SRD5A2: variants seen among roughly 807,000 people sequenced by gnomAD.
SRD5A2 encodes steroid 5 alpha-reductase 2.
SRD5A2 carries 30 observed loss-of-function variants against 27.4 expected under a neutral mutation model. The ratio of observed to expected loss-of-function variants is 1.10; its 90% CI spans 0.82 to 1.49. The LOEUF (loss-of-function observed/expected upper bound fraction) is 1.49, where lower values mean the gene tolerates loss of function less well. SRD5A2 is among the 40% of genes most tolerant of loss of function. SRD5A2 has a pLI of 0.00. For synonymous variants in SRD5A2, 141 were observed against 133.6 expected, an observed-to-expected ratio of 1.06 and a Z score of -0.38; for missense variants, 348 against 323.4, an observed-to-expected ratio of 1.08 and a Z score of -0.58.
intron 1 of SRD5A2, among the ~76,000 whole-genome samples, chr2:31,548,615 G>A (rs142219714): frequency 3.9e-5 from 6 of 152,222 alleles, no homozygotes; most frequent in African/African-American, 7.2e-5. Flanking sequence ...GGAGAAACTG[G>A]AACACTTGTG....
At chr2:31,589,249 T>G in the SRD5A2 span, among the ~76,000 whole-genome samples, 1 of 152,068 alleles carries the variant, frequency 6.6e-6, no homozygotes. Context: ...CAAGAGAGCT[T>G]GTACAGTGCA....
At chr2:31,610,506 A>C in the SRD5A2 span, among the ~76,000 whole-genome samples, 1 of 152,304 alleles carries the variant, frequency 6.6e-6, no homozygotes, top group South Asian at 2.1e-4. Flanking sequence ...AATATAAGTC[A>C]TGTATGACAA....
At position 31,529,462 on chromosome 2, in the gene SRD5A2, G is replaced by T; in HGVS notation, c.548-5C>A. On this transcript the variant is annotated splice_polypyrimidine_tract_variant and splice_region_variant and intron_variant, in intron 3 of 4. Transcript: ENST00000622030. Reference sequence around the variant, plus strand: ...AAACATACGTAAACAAGCCACCTGCGTGCAGAAGAATCGGAAGGTCAATCA... The same window carrying T: ...AAACATACGTAAACAAGCCACCTGCTTGCAGAAGAATCGGAAGGTCAATCA... The T allele has an allele frequency of 6.2e-7, 1 of 1,611,134 alleles. No individual in the cohort carries two copies. The highest frequency in any genetic ancestry group is 8.5e-7 in the Non-Finnish European group (1 of 1,178,314).
the SRD5A2 span, among the ~76,000 whole-genome samples, chr2:31,652,320 G>A: frequency 7.9e-4 from 120 of 152,242 alleles, no homozygotes; most frequent in Admixed American, 3.1e-3. Context: ...AAATTCTATT[G>A]GGAAATAGGC....
At chr2:31,652,201 C>G in the SRD5A2 span, among the ~76,000 whole-genome samples, 2 of 152,284 alleles carry the variant, frequency 1.3e-5, no homozygotes, top group East Asian at 3.9e-4. Context: ...AGCAATCCAC[C>G]CGCCTTGGCC....
the SRD5A2 span, among the ~76,000 whole-genome samples, chr2:31,644,565 C>A: frequency 6.6e-6 from 1 of 152,170 alleles, no homozygotes; most frequent in Non-Finnish European, 1.5e-5. Flanking sequence ...AATGCGGCAG[C>A]TGATCTGACA....
the SRD5A2 span, among the ~76,000 whole-genome samples, chr2:31,627,560 GGTTT>G: frequency 6.6e-6 from 1 of 151,720 alleles, no homozygotes; most frequent in Non-Finnish European, 1.5e-5. Flanking sequence ...TTGTGATGTT[GGTTT>G]GTTAAATCGA....
At chr2:31,630,120 T>G in the SRD5A2 span, among the ~76,000 whole-genome samples, 1 of 152,226 alleles carries the variant, frequency 6.6e-6, no homozygotes, top group Non-Finnish European at 1.5e-5. Context: ...ATTTGTAAGA[T>G]GCTCTCCTCC....
At chr2:31,538,768 G>A (rs1473428862) in intron 1 of SRD5A2, among the ~76,000 whole-genome samples, 1 of 152,090 alleles carries the variant, frequency 6.6e-6, no homozygotes, top group African/African-American at 2.4e-5. Flanking sequence ...GCACTCACTA[G>A]CCTCATAAAT....
At chr2:31,564,515 A>G (rs1558371010) in intron 1 of SRD5A2, among the ~76,000 whole-genome samples, 1 of 152,006 alleles carries the variant, frequency 6.6e-6, no homozygotes, top group African/African-American at 2.4e-5. Flanking sequence ...AAAATCGTCC[A>G]ATTTTGATGA....
Position 31,566,439 on chromosome 2 carries a change from A to C in SRD5A2, c.281+14181T>G, listed in dbSNP as rs114772526. 7.4e-3 allele frequency among the ~76,000 whole-genome samples: 1,121 copies of C among 152,294 alleles called. 20 individuals are homozygous for C. The highest frequency in any genetic ancestry group is 0.025 in the African/African-American group (1,035 of 41,572). On this transcript the variant is annotated intron_variant, in intron 1 of 4. Coordinates refer to ENST00000622030, the MANE Select transcript of SRD5A2 (RefSeq NM_000348.4). Reference sequence around the variant, plus strand: ...AATCTAGTTCTGAGATGATCAATACAATTTCTAAAGCTCTAGTCAAAAAGA... The same window carrying C: ...AATCTAGTTCTGAGATGATCAATACCATTTCTAAAGCTCTAGTCAAAAAGA...
At chr2:31,587,197 C>G in the SRD5A2 span, among the ~76,000 whole-genome samples, 1 of 152,224 alleles carries the variant, frequency 6.6e-6, no homozygotes, top group East Asian at 1.9e-4. Context: ...AATAAGATAC[C>G]ATCTCATTGG....
In SRD5A2 at chr2:31,580,855, T is replaced by A. The variant is rs762683678; in HGVS notation, c.46A>T (p.Thr16Ser). Residue 16 changes from threonine to serine, a missense_variant, in exon 1 of 5, where the codon ACT (threonine) becomes TCT (serine). Transcript: ENST00000622030. ...GCCAGTGCCCCAAGGGCGACCAAAG[T>A]GGCGCTGCCTGCCAGCACTGGGCTC... is the stretch of plus-strand genomic sequence containing the variant. ...QQSPVLAGSA[T>S]LVALGALALY... 1.6e-5 allele frequency: 25 copies of A among 1,611,338 alleles called. No homozygotes were observed. Among genetic ancestry groups the A allele is most frequent in the Non-Finnish European group, 2.0e-5 (24 of 1,179,220 alleles).
At chr2:31,578,841 A>G (rs1667013412) in intron 1 of SRD5A2, among the ~76,000 whole-genome samples, 1 of 152,200 alleles carries the variant, frequency 6.6e-6, no homozygotes, top group South Asian at 2.1e-4. Context: ...TTTTGATTTC[A>G]AAAACAAGCC....
intron 4 of SRD5A2, among the ~76,000 whole-genome samples, chr2:31,527,904 C>G (rs1177767144): frequency 6.6e-6 from 1 of 152,206 alleles, no homozygotes; most frequent in Non-Finnish European, 1.5e-5. Flanking sequence ...CCCCAGGGTC[C>G]TGGTTCCAAG....
the SRD5A2 span, among the ~76,000 whole-genome samples, chr2:31,652,382 G>A: frequency 5.9e-5 from 9 of 152,028 alleles, no homozygotes; most frequent in Admixed American, 5.9e-4. Context: ...GTTTGCATTT[G>A]AGTTGGTCAA....
intron 1 of SRD5A2, among the ~76,000 whole-genome samples, 171 bp downstream of exon 1, chr2:31,580,449 A>AGCCCCG (rs960511699): frequency 1.4e-4 from 21 of 152,222 alleles, no homozygotes; most frequent in African/African-American, 5.1e-4. Flanking sequence ...CTAGCGTCCA[A>AGCCCCG]GCCCCGGCCC....
chr2:31,610,513 A>G, the SRD5A2 span, among the ~76,000 whole-genome samples: 3 of 152,180 alleles, frequency 2.0e-5, no homozygotes, highest in Non-Finnish European at 4.4e-5. Flanking sequence ...GTCATGTATG[A>G]CAAGCCCACA....
At chr2:31,621,041 T>C in the SRD5A2 span, among the ~76,000 whole-genome samples, 13 of 150,600 alleles carry the variant, frequency 8.6e-5, no homozygotes, top group Admixed American at 8.0e-4. Context: ...AATTAAATTT[T>C]ATATTTTGAG....
Sources: allele counts gnomAD v4.1 joint callset (sites outside exome capture counted in the v4.1 genomes callset), GRCh38; gene constraint gnomAD v4.1.1; transcripts MANE v1.5; gene names NCBI Gene and HGNC (gene_info 2026-07-23, HGNC 2026-07-21).